The following TACC2 variants were observed in gnomAD, a reference collection of about 807,000 sequenced individuals.
The protein encoded by TACC2 is transforming acidic coiled-coil-containing protein 2.
Under a neutral mutation model 227.3 loss-of-function variants are expected in TACC2, and 137 were observed. The observed-to-expected ratio is 0.60, with a 90% CI of 0.52 to 0.69. The LOEUF (loss-of-function observed/expected upper bound fraction) is 0.69, where lower values mean the gene tolerates loss of function less well. TACC2 is among the 30% of genes least tolerant of loss of function. TACC2 has a pLI of 0.00. For missense variants in TACC2, 3,470 were observed against 3,694.4 expected (o/e 0.94, Z 1.57); for synonymous variants, 1,523 against 1,487.5 (o/e 1.02, Z -0.55).
chr10:122,085,970 G>A lies in TACC2; in HGVS notation c.3470G>A (p.Cys1157Tyr). Residue 1157 changes from cysteine (C) to tyrosine (Y), a missense_variant, in exon 4 of 23, where the codon TGT (cysteine) becomes TAT (tyrosine). Cys to Tyr is a radical substitution (Grantham distance 194). Around this residue, in one of 10 missense-constraint regions of TACC2, gnomAD observed 1,924 missense variants for 1,978.3 expected, o/e 0.97. Transcript: ENST00000369005. The part of the protein sequence containing the change: ...PEKPGEATLS[C>Y]GLLQTEHCLT... ...AAACCTGGAGAAGCTACTTTGAGTT[G>A]TGGCCTCCTTCAGACTGAGCACTGC... is the stretch of plus-strand genomic sequence containing the variant. 1.2e-6 allele frequency: 2 copies of A among 1,613,902 alleles called. No individual in the cohort carries two copies. Among genetic ancestry groups the A allele is most frequent in the African/African-American group, 2.7e-5 (2 of 75,036 alleles).
chr10:122,154,420 A>G (rs1288787378), intron 7 of TACC2, among the ~76,000 whole-genome samples: 1 of 152,262 alleles, frequency 6.6e-6, no homozygotes, highest in Non-Finnish European at 1.5e-5. Context: ...TAGTTTAAAG[A>G]TACGCAGAAA....
At chr10:122,054,847 C>T (rs111339701) in intron 3 of TACC2, among the ~76,000 whole-genome samples, 1,649 of 152,266 alleles carry the variant, frequency 0.011, 36 homozygotes, top group African/African-American at 0.038. Context: ...TTGTGAGGGG[C>T]TTATGTTTGA....
rs1162766228 is a variant in TACC2 at position 122,038,793 on chromosome 10, A to G, written c.34-11645A>G. 2.0e-5 allele frequency among the ~76,000 whole-genome samples: 3 copies of G among 152,178 alleles called. No homozygotes were observed. The East Asian group carries it at 5.8e-4, about 29-fold the overall frequency. ...AAGTAGGAAGTGAGGAACATGAGAAAAGAAGGAGAGAGAAAAGAAAAAAAA... is the reference window on the plus strand; with the variant it reads ...AAGTAGGAAGTGAGGAACATGAGAAGAGAAGGAGAGAGAAAAGAAAAAAAA... On this transcript the variant is annotated intron_variant, in intron 2 of 22. Coordinates refer to ENST00000369005, the MANE Select transcript of TACC2 (RefSeq NM_206862.4).
intron 7 of TACC2, among the ~76,000 whole-genome samples, chr10:122,147,081 A>G (rs1008952967): frequency 1.3e-5 from 2 of 152,144 alleles, no homozygotes; most frequent in Non-Finnish European, 2.9e-5. Flanking sequence ...GACATGACAT[A>G]TCACTGCTGA....
rs1220747870 is a variant in TACC2 at position 122,143,621 on chromosome 10, C to T, written c.5749C>T (p.His1917Tyr). Residue 1917 changes from histidine to tyrosine, a missense_variant, in exon 7 of 23, where the codon CAC (histidine) becomes TAC (tyrosine). By Grantham distance (83) the His-to-Tyr change is moderately conservative. Coordinates refer to ENST00000369005, the MANE Select transcript of TACC2 (RefSeq NM_206862.4). ...GGGTCTTCCTCCCTCGGCTGCAGAA[C>T]ACATAGTTTCGCCATCTGCCCCAGC... Reference protein sequence around the residue: ...HAGLPPSAAEHIVSPSAPAGD... With the variant: ...HAGLPPSAAEYIVSPSAPAGD... 1 of 1,614,122 alleles carries T rather than the reference C, an allele frequency of 6.2e-7. No individual in the cohort carries two copies. Among genetic ancestry groups the T allele is most frequent in the Non-Finnish European group, 8.5e-7 (1 of 1,179,948 alleles).
At chr10:122,130,234 G>C (rs2087782484) in intron 5 of TACC2, among the ~76,000 whole-genome samples, 2 of 152,114 alleles carry the variant, frequency 1.3e-5, no homozygotes, top group Non-Finnish European at 1.5e-5. Flanking sequence ...GACCTCAAGT[G>C]ATCTGCCCAC....
intron 16 of TACC2, among the ~76,000 whole-genome samples, chr10:122,235,497 G>A (rs1467983396): frequency 6.6e-6 from 1 of 152,148 alleles, no homozygotes; most frequent in Admixed American, 6.5e-5. Flanking sequence ...GCCTCCCAAA[G>A]TGTTGGGATT....
intron 1 of TACC2, among the ~76,000 whole-genome samples, chr10:122,007,601 A>G (rs1032994823): frequency 1.3e-5 from 2 of 152,202 alleles, no homozygotes; most frequent in African/African-American, 4.8e-5. Context: ...CTAGTTTAAC[A>G]GTCGCCTGGT....
intron 14 of TACC2, 63 bp downstream of exon 14, chr10:122,228,071 A>T: frequency 6.5e-7 from 1 of 1,532,784 alleles, no homozygotes; most frequent in Non-Finnish European, 8.9e-7. Flanking sequence ...GCGTATTGTC[A>T]CCAAGAAGGC....
At chr10:122,007,011 G>A (rs188997028) in intron 1 of TACC2, among the ~76,000 whole-genome samples, 72 of 151,882 alleles carry the variant, frequency 4.7e-4, no homozygotes, top group African/African-American at 1.7e-3. Context: ...ATAGGCATGC[G>A]CCACCATGTC....
intron 7 of TACC2, among the ~76,000 whole-genome samples, chr10:122,177,950 C>T (rs541735623): frequency 7.2e-5 from 11 of 152,214 alleles, no homozygotes; most frequent in African/African-American, 1.2e-4. Context: ...CTGCCAAGAT[C>T]GAAGATGGAC....
chr10:121,997,206 C>T (rs1314383974), intron 1 of TACC2, among the ~76,000 whole-genome samples: 1 of 152,230 alleles, frequency 6.6e-6, no homozygotes, highest in East Asian at 1.9e-4. Context: ...GAAACCCACC[C>T]GAAAAGGGGC....
At chr10:122,199,087 AAGGCCCGTGTTGGGGCCTTGG>A (rs1341573605) in intron 8 of TACC2, among the ~76,000 whole-genome samples, 1 of 152,224 alleles carries the variant, frequency 6.6e-6, no homozygotes, top group Non-Finnish European at 1.5e-5. Flanking sequence ...AGCCCAGGGA[AAGGCCCGTGTTGGGGCCTTGG>A]AGGTAATGGG....
chr10:122,199,203 G>T (rs1447411000), intron 8 of TACC2, among the ~76,000 whole-genome samples: 2 of 152,210 alleles, frequency 1.3e-5, no homozygotes, highest in Non-Finnish European at 2.9e-5. Flanking sequence ...ACTGCACCTG[G>T]GGGCCCGAGC....
rs530620389 is a variant in TACC2, at chr10:122,202,146, A to G, written c.5971+6970A>G. On this transcript the variant is annotated intron_variant, in intron 8 of 22. Coordinates refer to ENST00000369005, the MANE Select transcript of TACC2 (RefSeq NM_206862.4). ...CTTTTGTTTTTCCTGGACTTTTGTT[A>G]CCTAATTTTGATTTGCTTAGGTTAT... 5.3e-3 allele frequency among the ~76,000 whole-genome samples: 769 copies of G among 146,038 alleles called. 1 individual carries two copies. Among genetic ancestry groups the G allele is most frequent in the Middle Eastern group, 0.011 (3 of 280 alleles).
chr10:122,015,026 C>T (rs1386170764), intron 1 of TACC2, among the ~76,000 whole-genome samples: 1 of 151,956 alleles, frequency 6.6e-6, no homozygotes, highest in Non-Finnish European at 1.5e-5. Flanking sequence ...AATGCAGGAT[C>T]TCCATCCTTC....
In TACC2 at chr10:121,993,485, T is replaced by G. The variant is rs369059337; in HGVS notation, c.-46+3997T>G. ...TCCACCCACTGTCACTAGTTTCTTA[T>G]GTGAGTTTCCAGAAAGAATTATTTA... is the stretch of plus-strand genomic sequence containing the variant. On this transcript the variant is annotated intron_variant, in intron 1 of 22. Coordinates refer to ENST00000369005, the MANE Select transcript of TACC2 (RefSeq NM_206862.4). Among the ~76,000 whole-genome samples, 21 of 152,326 alleles carry G rather than the reference T, an allele frequency of 1.4e-4. 1 individual carries two copies. In the South Asian group the frequency reaches 4.1e-3, roughly 30 times the overall value.
At chr10:122,164,004 G>T (rs745435219) in intron 7 of TACC2, 4 of 1,571,448 alleles carry the variant, frequency 2.5e-6, no homozygotes, top group Non-Finnish European at 3.5e-6. Context: ...TAAGTGCTCC[G>T]CCCGGGCCGC....
At chr10:122,149,891 G>A (rs2091851099) in intron 7 of TACC2, among the ~76,000 whole-genome samples, 1 of 152,218 alleles carries the variant, frequency 6.6e-6, no homozygotes, top group South Asian at 2.1e-4. Context: ...ACTGGGTCCG[G>A]GGCAGACTGA....
Sources: gnomAD v4.1 joint callset for allele counts (sites outside exome capture counted in the v4.1 genomes callset) on GRCh38, gnomAD v4.1.1 for gene constraint, gnomAD v4.1.1 regional missense constraint, MANE v1.5 for transcripts, NCBI Gene and HGNC (gene_info 2026-07-23, HGNC 2026-07-21) for gene names.